The following DEFA4 variants were observed in gnomAD, a reference collection of about 807,000 sequenced individuals.
The protein encoded by DEFA4 is corticostatin.
A neutral mutation model predicts 4.4 loss-of-function variants in DEFA4; 8 were observed. The observed-to-expected ratio is 1.82, with a 90% CI of 1.07 to 3.29. The LOEUF (loss-of-function observed/expected upper bound fraction) is 3.29. Among genes scored for constraint, DEFA4 ranks in the 30% most tolerant of loss-of-function variants. DEFA4 has a pLI of 0.00. For missense variants in DEFA4, 216 were observed against 127.0 expected, an observed-to-expected ratio of 1.70 and a Z score of -3.37; for synonymous variants, 77 against 46.5, an observed-to-expected ratio of 1.66 and a Z score of -2.67.
chr8:6,936,376 C>T (rs1414155752), intron 2 of DEFA4, among the ~76,000 whole-genome samples: 2 of 152,170 alleles, frequency 1.3e-5, no homozygotes, highest in Admixed American at 6.5e-5. Context: ...CAGACACACA[C>T]CTGAACATAC....
Position 6,936,024 on chromosome 8 carries a change from T to A in DEFA4, c.290A>T (p.Asp97Val). ...VSFTYCCTRV[D>V] ...ATTCTCTTGGACAGCAGAACGTTAA[T>A]CGACACGCGTGCAGCAGTATGTGAA... The change falls in exon 3 of 3, where the codon GAT becomes GTT. Residue 97 changes from aspartate (D) to valine (V), a missense_variant. By Grantham distance (152) the Asp-to-Val change is radical. Transcript: ENST00000297435. 1 of 1,613,812 alleles carries A rather than the reference T, an allele frequency of 6.2e-7. No homozygotes were observed. The highest frequency in any genetic ancestry group is 8.5e-7 in the Non-Finnish European group (1 of 1,179,878).
intron 1 of DEFA4, among the ~76,000 whole-genome samples, chr8:6,937,717 G>A (rs28520392): frequency 0.03 from 4,506 of 152,202 alleles, 135 homozygotes; most frequent in African/African-American, 0.078. Flanking sequence ...AAAGGCACAG[G>A]CAATAAACAA....
chr8:6,936,025 C>A lies in DEFA4; in HGVS notation c.289G>T (p.Asp97Tyr). Residue 97 changes from aspartate (D) to tyrosine (Y), a missense_variant, in exon 3 of 3, where the codon GAT becomes TAT. By Grantham distance (160) the Asp-to-Tyr change is radical. Transcript: ENST00000297435. Reference sequence around the variant, plus strand: ...TTCTCTTGGACAGCAGAACGTTAATCGACACGCGTGCAGCAGTATGTGAAA... The same window carrying A: ...TTCTCTTGGACAGCAGAACGTTAATAGACACGCGTGCAGCAGTATGTGAAA... ...VSFTYCCTRV[D>Y] 1 of 1,613,740 alleles carries A rather than the reference C, an allele frequency of 6.2e-7. No homozygotes were observed. The highest frequency in any genetic ancestry group is 8.5e-7 in the Non-Finnish European group (1 of 1,179,856).
intron 2 of DEFA4, among the ~76,000 whole-genome samples, chr8:6,936,496 C>T (rs1219486299): frequency 6.6e-6 from 1 of 152,108 alleles, no homozygotes; most frequent in Non-Finnish European, 1.5e-5. Context: ...TCTGTCTCTC[C>T]GTATCTTAAC....
chr8:6,937,874 A>G (rs1223097325), intron 1 of DEFA4, among the ~76,000 whole-genome samples: 2 of 152,202 alleles, frequency 1.3e-5, no homozygotes, highest in Non-Finnish European at 2.9e-5. Context: ...ATCTGAATAC[A>G]TAAGGAAGTC....
intron 1 of DEFA4, among the ~76,000 whole-genome samples, chr8:6,937,820 T>C (rs1808926477): frequency 6.6e-6 from 1 of 151,674 alleles, no homozygotes; most frequent in South Asian, 2.1e-4. Context: ...ACCCAGAAAA[T>C]GAGAGAAAAT....
At position 6,936,727 on chromosome 8, in the gene DEFA4, C is replaced by G; in HGVS notation, c.172+1G>C. On this transcript the variant is annotated splice_donor_variant, in intron 2 of 2. Transcript: ENST00000297435. LOFTEE classifies it high-confidence loss of function. ...AGCTTTTTTATGCTGGCCTCTCTCA[C>G]CTGAAACCTGAAGAGCAGAGCTTTT... 1.9e-6 allele frequency: 3 copies of G among 1,592,654 alleles called. 1 individual carries two copies. The highest frequency in any genetic ancestry group is 2.6e-6 in the Non-Finnish European group (3 of 1,166,662).
chr8:6,936,800 G>A lies in DEFA4; in HGVS notation c.100C>T (p.Gln34Ter). 6.2e-7 allele frequency: 1 copy of A among 1,613,756 alleles called. No individual in the cohort carries two copies. Among genetic ancestry groups the A allele is most frequent in the East Asian group, 2.2e-5 (1 of 44,880 alleles). Reference sequence around the variant, plus strand: ...ATGTCCTGGTCTTCTGGCCCACGCTGCTCCTGGCCTGGAGCCTCATCACCT... The same window carrying A: ...ATGTCCTGGTCTTCTGGCCCACGCTACTCCTGGCCTGGAGCCTCATCACCT... ...ARGDEAPGQE[Q>*]RGPEDQDISI... The change falls in exon 2 of 3, where the codon CAG becomes TAG. Residue 34 changes from glutamine to a stop codon, truncating the protein, a stop_gained. Coordinates refer to ENST00000297435, the MANE Select transcript of DEFA4 (RefSeq NM_001925.3). LOFTEE classifies it high-confidence loss of function.
At chr8:6,938,006 A>AGTAG (rs1212299905) in intron 1 of DEFA4, among the ~76,000 whole-genome samples, 1 of 152,170 alleles carries the variant, frequency 6.6e-6, no homozygotes, top group African/African-American at 2.4e-5. Context: ...GGACATGTCA[A>AGTAG]GTAGGACACG....
chr8:6,937,014 C>T (rs1808887532), intron 1 of DEFA4, 103 bp from the exon 2 acceptor site: 2 of 1,056,302 alleles, frequency 1.9e-6, no homozygotes, highest in South Asian at 2.1e-5. Flanking sequence ...CTTTGGCCTT[C>T]TGAGTGAGAG....
intron 2 of DEFA4, 55 bp downstream of exon 2, chr8:6,936,673 C>T: frequency 2.7e-6 from 4 of 1,474,712 alleles, no homozygotes; most frequent in East Asian, 4.9e-5. Context: ...TTCCAGAGCC[C>T]ATCTCCCATC....
chr8:6,937,590 T>C (rs1055187376), intron 1 of DEFA4, among the ~76,000 whole-genome samples: 6 of 152,108 alleles, frequency 3.9e-5, no homozygotes, highest in African/African-American at 1.4e-4. Context: ...CAGCTCAACA[T>C]GGATTGAAGA....
intron 1 of DEFA4, among the ~76,000 whole-genome samples, chr8:6,937,185 G>A (rs542222081): frequency 6.6e-6 from 1 of 151,946 alleles, no homozygotes; most frequent in Non-Finnish European, 1.5e-5. Context: ...ATTTTTTCCT[G>A]TTTTCAGGAA....
In DEFA4 at chr8:6,936,773, A is replaced by G. The variant is rs138604726; in HGVS notation, c.127T>C (p.Ser43Pro). The change falls in exon 2 of 3, where the codon TCT (serine) becomes CCT (proline). Residue 43 changes from serine (S) to proline (P), a missense_variant. Ser to Pro is a moderately conservative substitution (Grantham distance 74). Coordinates refer to ENST00000297435, the MANE Select transcript of DEFA4 (RefSeq NM_001925.3). ...CTTTTATCCCATGCAAAGGAAATAG[A>G]TATGTCCTGGTCTTCTGGCCCACGC... ...EQRGPEDQDI[S>P]ISFAWDKSSA... The G allele has an allele frequency of 1.3e-4, 212 of 1,613,220 alleles. No individual in the cohort carries two copies. In the African/African-American group the frequency reaches 2.5e-3, roughly 19 times the overall value.
chr8:6,936,944 G>T (rs2117338697), intron 1 of DEFA4, 33 bp from the exon 2 acceptor site: 1 of 1,480,258 alleles, frequency 6.8e-7, no homozygotes, highest in Non-Finnish European at 9.0e-7. Context: ...AGCTGTGTGG[G>T]GAGGGAGAAG....
intron 2 of DEFA4, 84 bp downstream of exon 2, chr8:6,936,644 A>G: frequency 7.3e-7 from 1 of 1,373,208 alleles, no homozygotes. Context: ...CCTAAGTGAC[A>G]TCCACCATTG....
chr8:6,936,638 A>G, intron 2 of DEFA4, 90 bp downstream of exon 2: 1 of 1,350,264 alleles, frequency 7.4e-7, no homozygotes. Flanking sequence ...AAGCCACCTA[A>G]GTGACATCCA....
At chr8:6,936,626 T>A (rs1217570835) in intron 2 of DEFA4, 102 bp downstream of exon 2, 5 of 1,279,330 alleles carry the variant, frequency 3.9e-6, no homozygotes, top group Non-Finnish European at 5.2e-6. Flanking sequence ...AGATGGTAAG[T>A]AAAGCCACCT....
chr8:6,935,937 G>A lies in DEFA4; in HGVS notation c.*83C>T. ...TTATGAGCTCATTTTTCTCTATTCT[G>A]CAAGCTCAGCTGCAGAAGCATGTGA... On this transcript the variant is annotated 3_prime_UTR_variant, in exon 3 of 3. Coordinates refer to ENST00000297435, the MANE Select transcript of DEFA4 (RefSeq NM_001925.3). 1 of 1,594,370 alleles carries A rather than the reference G, an allele frequency of 6.3e-7. No homozygotes were observed.
Sources: allele counts gnomAD v4.1 joint callset (sites outside exome capture counted in the v4.1 genomes callset), GRCh38; gene constraint gnomAD v4.1.1; transcripts MANE v1.5; gene names NCBI Gene and HGNC (gene_info 2026-07-23, HGNC 2026-07-21).